Variants in PLCXD3 observed in about 807,000 individuals in gnomAD.
The protein encoded by PLCXD3 is phosphatidylinositol specific phospholipase C X domain containing 3, also known as PI-PLC X domain-containing protein 3.
A neutral mutation model predicts 25.5 loss-of-function variants in PLCXD3; 19 were observed. The ratio of observed to expected loss-of-function variants is 0.75; its 90% CI spans 0.52 to 1.09. The LOEUF (loss-of-function observed/expected upper bound fraction) is 1.09, where lower values mean the gene tolerates loss of function less well. PLCXD3 is among the 50% of genes least tolerant of loss of function. The probability of loss-of-function intolerance (pLI) is 0.00; values close to 1 mark genes in which losing one functional copy is unlikely to be tolerated. For synonymous variants in PLCXD3, 174 were observed against 137.6 expected, an observed-to-expected ratio of 1.26 and a Z score of -1.85; for missense variants, 411 against 388.1, an observed-to-expected ratio of 1.06 and a Z score of -0.50.
At chr5:41,463,483 G>A (rs1747940776) in intron 1 of PLCXD3, among the ~76,000 whole-genome samples, 2 of 151,992 alleles carry the variant, frequency 1.3e-5, no homozygotes, top group African/African-American at 2.4e-5. Flanking sequence ...CACATTGAGT[G>A]TTGGGATTTC....
intron 2 of PLCXD3, among the ~76,000 whole-genome samples, chr5:41,323,250 G>C (rs1417075444): frequency 6.6e-6 from 1 of 152,036 alleles, no homozygotes; most frequent in African/African-American, 2.4e-5. Flanking sequence ...GGATGAGGTG[G>C]GGTGGTTAAA....
chr5:41,383,632 T>C (rs1171231714), intron 1 of PLCXD3, among the ~76,000 whole-genome samples: 3 of 152,092 alleles, frequency 2.0e-5, no homozygotes, highest in Admixed American at 2.0e-4. Flanking sequence ...TCCTGTTTCA[T>C]GACCTTGTCC....
chr5:41,410,194 C>T (rs920090857), intron 1 of PLCXD3, among the ~76,000 whole-genome samples: 3 of 148,408 alleles, frequency 2.0e-5, no homozygotes, highest in Non-Finnish European at 4.4e-5. Flanking sequence ...GGCTGGAGTA[C>T]AGTGGCGTGA....
At position 41,309,621 on chromosome 5, in the gene PLCXD3, T is replaced by A. The variant is rs1743078549; in HGVS notation, c.*3996A>T. The A allele has an allele frequency of 6.6e-6, 1 of 152,148 alleles. No homozygotes were observed. The highest frequency in any genetic ancestry group is 1.5e-5 in the Non-Finnish European group (1 of 68,010). 9.4% of individuals were successfully genotyped at this position (152,148 alleles called of 1,614,324 possible). A position where few individuals can be genotyped will look rare whatever the true frequency, so the allele number is the denominator to read the frequency against. The stretch of plus-strand genomic sequence containing the variant: ...TTTCCTGAGACTTCCAACTTTCCAG[T>A]CTGGAATCCTAACAAGGAAGAACCT... On this transcript the variant is annotated 3_prime_UTR_variant, in exon 3 of 3. Transcript: ENST00000377801.
At chr5:41,478,068 C>T (rs935970780) in intron 1 of PLCXD3, among the ~76,000 whole-genome samples, 2 of 152,128 alleles carry the variant, frequency 1.3e-5, no homozygotes, top group Non-Finnish European at 2.9e-5. Context: ...AACTACTATT[C>T]CACCCTCATC....
At position 41,468,267 on chromosome 5, in the gene PLCXD3, C is replaced by A. The variant is rs59202671; in HGVS notation, c.103+42157G>T. On this transcript the variant is annotated intron_variant, in intron 1 of 2. Transcript: ENST00000377801. ...TCCTGACCTCAGGTGATTCACCCAC[C>A]TTGGCCTCCCAAAGTGCTGAGATTA... is the stretch of plus-strand genomic sequence containing the variant. 4.6e-5 allele frequency among the ~76,000 whole-genome samples: 7 copies of A among 152,150 alleles called. No homozygotes were observed. In the East Asian group the frequency reaches 9.7e-4, roughly 21 times the overall value.
intron 2 of PLCXD3, among the ~76,000 whole-genome samples, chr5:41,338,343 T>C (rs1340248219): frequency 1.3e-5 from 2 of 152,128 alleles, no homozygotes. Flanking sequence ...ATTAAGAACA[T>C]TGAAATGTCC....
At chr5:41,456,683 T>G (rs944769927) in intron 1 of PLCXD3, 5 of 204,796 alleles carry the variant, frequency 2.4e-5, no homozygotes, top group Non-Finnish European at 4.3e-5. Context: ...AAGGTGGAGC[T>G]CTTATGAATA....
At chr5:41,491,284 C>T (rs190868054) in intron 1 of PLCXD3, among the ~76,000 whole-genome samples, 10 of 152,208 alleles carry the variant, frequency 6.6e-5, no homozygotes, top group Non-Finnish European at 1.2e-4. Context: ...TTTGATTGCA[C>T]TGTGGTCTGA....
At chr5:41,357,965 A>G (rs1351583374) in intron 2 of PLCXD3, among the ~76,000 whole-genome samples, 1 of 152,188 alleles carries the variant, frequency 6.6e-6, no homozygotes, top group African/African-American at 2.4e-5. Context: ...CTCAATGATA[A>G]AATCAATTCC....
intron 1 of PLCXD3, among the ~76,000 whole-genome samples, chr5:41,487,692 A>AC (rs1279470928): frequency 6.6e-6 from 1 of 152,198 alleles, no homozygotes; most frequent in African/African-American, 2.4e-5. Context: ...AGGAGGTGTC[A>AC]CACCGGAGAC....
chr5:41,350,838 C>T (rs1437357339), intron 2 of PLCXD3, among the ~76,000 whole-genome samples: 1 of 152,034 alleles, frequency 6.6e-6, no homozygotes, highest in Non-Finnish European at 1.5e-5. Flanking sequence ...ATGTTAAATT[C>T]CGTTTTATGT....
chr5:41,457,962 T>G (rs1747790868), intron 1 of PLCXD3, among the ~76,000 whole-genome samples: 1 of 151,854 alleles, frequency 6.6e-6, no homozygotes, highest in Non-Finnish European at 1.5e-5. Context: ...GAGGGAAAAC[T>G]GTAGACATGG....
At chr5:41,487,388 A>C (rs1368361212) in intron 1 of PLCXD3, among the ~76,000 whole-genome samples, 1 of 152,212 alleles carries the variant, frequency 6.6e-6, no homozygotes, top group Non-Finnish European at 1.5e-5. Flanking sequence ...ACAGAGCAGA[A>C]GCCTTTGTGC....
At chr5:41,425,933 T>G (rs1746945388) in intron 1 of PLCXD3, among the ~76,000 whole-genome samples, 1 of 152,234 alleles carries the variant, frequency 6.6e-6, no homozygotes, top group Admixed American at 6.5e-5. Flanking sequence ...CAGGTTTTCA[T>G]GTAGACATAA....
chr5:41,371,605 A>G (rs752779153), intron 2 of PLCXD3, among the ~76,000 whole-genome samples: 3 of 152,260 alleles, frequency 2.0e-5, no homozygotes, highest in Non-Finnish European at 4.4e-5. Context: ...AGTCCCTTCT[A>G]GCATCCTCTT....
Position 41,510,502 on chromosome 5 carries a change from C to A in PLCXD3, c.25G>T (p.Glu9Ter), listed in dbSNP as rs1739032608. The A allele has an allele frequency of 1.2e-6, 2 of 1,613,244 alleles. No homozygotes were observed. The highest frequency in any genetic ancestry group is 1.7e-4 in the Middle Eastern group (1 of 6,060). Residue 9 changes from glutamate to a stop codon, truncating the protein, a stop_gained, in exon 1 of 3, where the codon GAG (glutamate) becomes TAG (stop). Transcript: ENST00000377801. LOFTEE classifies it high-confidence loss of function. MASSQGKNELKLADWMATL... is the reference protein window; with the variant it reads MASSQGKN ...GCCATCCAGTCGGCTAATTTCAGCT[C>A]GTTTTTCCCCTGAGACGAGGCCATC... is the stretch of plus-strand genomic sequence containing the variant.
intron 1 of PLCXD3, among the ~76,000 whole-genome samples, chr5:41,432,487 C>T (rs1386476674): frequency 6.6e-6 from 1 of 152,120 alleles, no homozygotes; most frequent in African/African-American, 2.4e-5. Flanking sequence ...GTTGTTCATT[C>T]CTTATTTGAT....
chr5:41,379,717 C>T (rs191344991), intron 2 of PLCXD3, among the ~76,000 whole-genome samples: 42 of 152,034 alleles, frequency 2.8e-4, no homozygotes, highest in African/African-American at 9.6e-4. Flanking sequence ...CCATTCCTGG[C>T]CTCTTCAGAT....
Sources: gnomAD v4.1 joint callset for allele counts (sites outside exome capture counted in the v4.1 genomes callset) on GRCh38, gnomAD v4.1.1 for gene constraint, MANE v1.5 for transcripts, NCBI Gene and HGNC (gene_info 2026-07-23, HGNC 2026-07-21) for gene names.